UBE2E2: variants seen among roughly 807,000 people sequenced by gnomAD.
The protein encoded by UBE2E2 is ubiquitin conjugating enzyme E2 E2, also known as ubiquitin-conjugating enzyme E2 E2.
In UBE2E2, 6 loss-of-function variants were observed where a neutral mutation model predicts 24.7. That is an observed-to-expected ratio of 0.24 (90% CI 0.13 to 0.48). The LOEUF (loss-of-function observed/expected upper bound fraction) is 0.48, where lower values mean the gene tolerates loss of function less well. Ranked by LOEUF, UBE2E2 falls within the 20% of genes least tolerant of loss-of-function variation. The pLI is 0.99. For missense variants in UBE2E2, 169 were observed against 245.0 expected, an observed-to-expected ratio of 0.69 and a Z score of 2.07; for synonymous variants, 104 against 83.6, an observed-to-expected ratio of 1.24 and a Z score of -1.33.
At chr3:23,321,916 C>T (rs1694748861) in intron 3 of UBE2E2, among the ~76,000 whole-genome samples, 1 of 151,344 alleles carries the variant, frequency 6.6e-6, no homozygotes, top group Admixed American at 6.6e-5. Flanking sequence ...ACATATAATT[C>T]ATCAGGTAAT....
At chr3:23,271,601 A>G (rs1017077541) in intron 3 of UBE2E2, among the ~76,000 whole-genome samples, 41 of 152,146 alleles carry the variant, frequency 2.7e-4, no homozygotes, top group Admixed American at 2.6e-3. Context: ...CCATTTTGAC[A>G]GGGTGTTGAT....
intron 5 of UBE2E2, among the ~76,000 whole-genome samples, chr3:23,551,408 C>G (rs766833102): frequency 1.3e-5 from 2 of 152,150 alleles, no homozygotes; most frequent in Non-Finnish European, 1.5e-5. Context: ...TTAGTTAAAA[C>G]CAGAATATTA....
At chr3:23,354,957 T>C (rs1695896542) in intron 3 of UBE2E2, among the ~76,000 whole-genome samples, 1 of 151,748 alleles carries the variant, frequency 6.6e-6, no homozygotes, top group South Asian at 2.1e-4. Context: ...CTATTCACAA[T>C]AGCAAAGACT....
chr3:23,272,230 G>C (rs945799440), intron 3 of UBE2E2, among the ~76,000 whole-genome samples: 4 of 152,186 alleles, frequency 2.6e-5, no homozygotes, highest in African/African-American at 7.2e-5. Flanking sequence ...TGGCACTGCT[G>C]GGGGATCCGG....
chr3:23,427,812 CAG>C (rs1697963676), intron 3 of UBE2E2, among the ~76,000 whole-genome samples: 1 of 152,136 alleles, frequency 6.6e-6, no homozygotes, highest in African/African-American at 2.4e-5. Flanking sequence ...GGAAAGTTGT[CAG>C]AGATGAAGAG....
intron 3 of UBE2E2, among the ~76,000 whole-genome samples, chr3:23,437,063 G>A (rs941745884): frequency 2.0e-5 from 3 of 152,202 alleles, no homozygotes; most frequent in African/African-American, 7.2e-5. Context: ...CAGGCCATAC[G>A]TGAGCTGGCC....
Position 23,532,061 on chromosome 3 carries a change from CAAAAAAAAAAAAA to C in UBE2E2, c.361-490_361-478del, listed in dbSNP as rs538531736. The stretch of plus-strand genomic sequence containing the variant: ...TGGGCAACAGAGCGAAACTCTATCT[CAAAAAAAAAAAAA>C]AAGAAAAAAAAACTGTTATAGAATA... On this transcript the variant is annotated intron_variant, in intron 4 of 5. Transcript: ENST00000396703. 5.1e-4 allele frequency among the ~76,000 whole-genome samples: 47 copies of C among 91,300 alleles called. No homozygotes were observed. The South Asian group carries it at 0.015, about 30-fold the overall frequency. The allele number at this position is 91,300 out of a possible 152,430, so 59.9% of individuals were successfully genotyped here.
At chr3:23,205,681 A>G (rs62252657) in intron 1 of UBE2E2, among the ~76,000 whole-genome samples, 23,291 of 152,180 alleles carry the variant, frequency 0.15, 1,899 homozygotes, top group South Asian at 0.25. Context: ...TAACATTTGG[A>G]TGAAATATGT....
chr3:23,589,279 G>A lies in UBE2E2; in HGVS notation c.509-455G>A, dbSNP rs1389740673. Among the ~76,000 whole-genome samples, 1 of 152,024 alleles carries A rather than the reference G, an allele frequency of 6.6e-6. No homozygotes were observed. Among genetic ancestry groups the A allele is most frequent in the Non-Finnish European group, 1.5e-5 (1 of 68,012 alleles). Reference sequence around the variant, plus strand: ...AAAAAAAAATTTGAAAATTAGCCAGGTGTTGTTGCACACACCTGTGGTCCC... The same window carrying A: ...AAAAAAAAATTTGAAAATTAGCCAGATGTTGTTGCACACACCTGTGGTCCC... On this transcript the variant is annotated intron_variant, in intron 5 of 5. Coordinates refer to ENST00000396703, the MANE Select transcript of UBE2E2 (RefSeq NM_152653.4). The surrounding 1 kb of genome is among the most constrained non-coding windows in gnomAD (Gnocchi z 4.1).
intron 5 of UBE2E2, among the ~76,000 whole-genome samples, chr3:23,544,025 A>G (rs149090867): frequency 6.6e-6 from 1 of 152,334 alleles, no homozygotes; most frequent in Non-Finnish European, 1.5e-5. Context: ...GAAGAATGAA[A>G]CTTGATTCCT....
intron 5 of UBE2E2, among the ~76,000 whole-genome samples, chr3:23,542,939 C>T (rs761559916): frequency 1.3e-5 from 2 of 152,108 alleles, no homozygotes; most frequent in Non-Finnish European, 1.5e-5. Flanking sequence ...ATATAAATGT[C>T]GACATGGATT....
At chr3:23,283,402 C>T (rs188752113) in intron 3 of UBE2E2, among the ~76,000 whole-genome samples, 1 of 152,168 alleles carries the variant, frequency 6.6e-6, no homozygotes, top group East Asian at 1.9e-4. Context: ...AAAACAAATG[C>T]CATATCATAC....
intron 3 of UBE2E2, among the ~76,000 whole-genome samples, chr3:23,441,883 T>C (rs1575632092): frequency 6.6e-6 from 1 of 152,204 alleles, no homozygotes; most frequent in East Asian, 1.9e-4. Flanking sequence ...TAAAACACAT[T>C]TGCTTTTGGT....
At chr3:23,204,071 TG>T (rs1315610405) in intron 1 of UBE2E2, among the ~76,000 whole-genome samples, 2 of 152,118 alleles carry the variant, frequency 1.3e-5, no homozygotes, top group Non-Finnish European at 2.9e-5. Flanking sequence ...CATTTTTCTC[TG>T]GTCTCTTCTC....
chr3:23,574,222 T>C (rs1346241662), intron 5 of UBE2E2, among the ~76,000 whole-genome samples: 1 of 152,100 alleles, frequency 6.6e-6, no homozygotes, highest in Non-Finnish European at 1.5e-5. Flanking sequence ...TACCAGAGGC[T>C]GGAAAAGGTA....
At chr3:23,524,451 A>G (rs1182965425) in intron 4 of UBE2E2, among the ~76,000 whole-genome samples, 2 of 152,198 alleles carry the variant, frequency 1.3e-5, no homozygotes, top group Non-Finnish European at 2.9e-5. Context: ...CTTCACAGCT[A>G]CTGTGGGTAT....
chr3:23,562,609 T>G (rs1695961797), intron 5 of UBE2E2, among the ~76,000 whole-genome samples: 1 of 152,210 alleles, frequency 6.6e-6, no homozygotes, highest in African/African-American at 2.4e-5. Flanking sequence ...GGATTCCCTC[T>G]TTTTCTATTG....
At position 23,504,075 on chromosome 3, in the gene UBE2E2, CTT is replaced by C. The variant is rs1048673357; in HGVS notation, c.360+4338_360+4339del. On this transcript the variant is annotated intron_variant, in intron 4 of 5. Coordinates refer to ENST00000396703, the MANE Select transcript of UBE2E2 (RefSeq NM_152653.4). ...CCATTTAGGTATATCTGTTTTAAGA[CTT>C]TTGTTTCCTTCATTTGTATCATATA... 3.3e-5 allele frequency among the ~76,000 whole-genome samples: 5 copies of C among 152,206 alleles called. No individual in the cohort carries two copies. In the East Asian group the frequency reaches 9.6e-4, roughly 29 times the overall value.
At chr3:23,423,686 G>A (rs1433083323) in intron 3 of UBE2E2, among the ~76,000 whole-genome samples, 2 of 152,120 alleles carry the variant, frequency 1.3e-5, no homozygotes, top group Non-Finnish European at 2.9e-5. Context: ...GGTACTAGGT[G>A]CTTAAAAATA....
Sources: gnomAD v4.1 joint callset for allele counts (sites outside exome capture counted in the v4.1 genomes callset) on GRCh38, gnomAD v4.1.1 for gene constraint, Gnocchi (gnomAD v3.1) non-coding constraint, MANE v1.5 for transcripts, NCBI Gene and HGNC (gene_info 2026-07-23, HGNC 2026-07-21) for gene names.